The following SPEF2 variants were observed in gnomAD, a reference collection of about 807,000 sequenced individuals.
SPEF2 encodes sperm flagellar and cilia associated 2.
A neutral mutation model predicts 224.6 loss-of-function variants in SPEF2; 187 were observed. The observed-to-expected ratio is 0.83, with a 90% CI of 0.74 to 0.94. SPEF2 has a LOEUF of 0.94. Ranked by LOEUF, SPEF2 falls within the 40% of genes least tolerant of loss-of-function variation. The pLI, the probability that SPEF2 is intolerant of heterozygous loss-of-function variation, is 0.00. For missense variants in SPEF2, 2,170 were observed against 2,135.6 expected, an observed-to-expected ratio of 1.02 and a Z score of -0.32; for synonymous variants, 715 against 707.3, an observed-to-expected ratio of 1.01 and a Z score of -0.17.
chr5:35,698,866 C>G (rs566568832), intron 15 of SPEF2: 3 of 152,252 alleles, frequency 2.0e-5, no homozygotes, highest in Non-Finnish European at 4.4e-5. Context: ...TCACCTCCCC[C>G]TTCCTCTGAA....
intron 29 of SPEF2, 23 bp from the exon 30 acceptor site, chr5:35,779,094 G>T (rs533153198): frequency 1.3e-6 from 2 of 1,567,796 alleles, no homozygotes; most frequent in African/African-American, 1.4e-5. Flanking sequence ...TGGGGTTAAC[G>T]CTATCCATTT....
intron 10 of SPEF2, among the ~76,000 whole-genome samples, chr5:35,681,514 G>A (rs182440986): frequency 2.6e-5 from 4 of 152,182 alleles, no homozygotes; most frequent in Non-Finnish European, 5.9e-5. Context: ...AGAGTTCCTG[G>A]TATCTTGTCC....
intron 1 of SPEF2, among the ~76,000 whole-genome samples, chr5:35,622,727 G>A (rs903742958): frequency 3.9e-5 from 6 of 152,050 alleles, no homozygotes; most frequent in East Asian, 1.9e-4. Flanking sequence ...GCCTCGCAGC[G>A]TTTTTCTTGA....
intron 26 of SPEF2, among the ~76,000 whole-genome samples, chr5:35,768,093 T>G (rs1316286868): frequency 6.6e-6 from 1 of 152,162 alleles, no homozygotes; most frequent in African/African-American, 2.4e-5. Flanking sequence ...GTCTGAATAC[T>G]TAACTAGATT....
rs751924265 is a variant in SPEF2, at chr5:35,649,420, A to C, written c.786A>C (p.Lys262Asn). 1.3e-4 allele frequency: 216 copies of C among 1,610,840 alleles called. No individual in the cohort carries two copies. The highest frequency in any genetic ancestry group is 1.8e-4 in the Non-Finnish European group (207 of 1,178,512). Residue 262 changes from lysine to asparagine, a missense_variant, in exon 6 of 37, where the codon AAA becomes AAC. Lys to Asn is a moderately conservative substitution (Grantham distance 94). Transcript: ENST00000356031. ...TAATAAAAAAGGATCTCCAAGCAAAAGAAAGGTGAGATGTGAGCTATTTTA... is the reference window on the plus strand; with the variant it reads ...TAATAAAAAAGGATCTCCAAGCAAACGAAAGGTGAGATGTGAGCTATTTTA... ...EALIKKDLQA[K>N]ESASKTSLDT...
rs1045032241 is a variant in SPEF2 at position 35,633,983 on chromosome 5, C to A, written c.161+5421C>A. Among the ~76,000 whole-genome samples the A allele has an allele frequency of 9.2e-5, 14 of 152,130 alleles. No homozygotes were observed. The East Asian group carries it at 2.7e-3, about 29-fold the overall frequency. ...CCTACCAATTACATCTTAAGCCCAT[C>A]AAGTCAGTTTTATAATTATTGCTAT... On this transcript the variant is annotated intron_variant, in intron 2 of 36. Transcript: ENST00000356031.
intron 11 of SPEF2, 93 bp from the exon 12 acceptor site, chr5:35,692,477 A>G: frequency 1.1e-6 from 1 of 928,130 alleles, no homozygotes; most frequent in Non-Finnish European, 1.6e-6. Flanking sequence ...CGGGCCTGAA[A>G]GACAGTGTTA....
chr5:35,676,024 G>C (rs1424197666), intron 10 of SPEF2: 1 of 456,200 alleles, frequency 2.2e-6, no homozygotes, highest in Admixed American at 2.3e-5. Flanking sequence ...GGTAGAAATT[G>C]TTGAATTAAG....
At chr5:35,696,391 A>G (rs970007326) in intron 14 of SPEF2, among the ~76,000 whole-genome samples, 1 of 152,212 alleles carries the variant, frequency 6.6e-6, no homozygotes, top group Non-Finnish European at 1.5e-5. Flanking sequence ...TTTTGGAAGG[A>G]TATACACCAA....
chr5:35,666,077 G>T (rs961149), intron 8 of SPEF2, among the ~76,000 whole-genome samples: 1 of 151,882 alleles, frequency 6.6e-6, no homozygotes, highest in African/African-American at 2.4e-5. Flanking sequence ...GGAAATGGAG[G>T]CACAAGGAGA....
intron 33 of SPEF2, 92 bp from the exon 34 acceptor site, chr5:35,799,876 T>C (rs766271567): frequency 6.3e-5 from 89 of 1,407,612 alleles, no homozygotes; most frequent in Non-Finnish European, 8.4e-5. Flanking sequence ...GCAACCTTAT[T>C]CCAAAGCTCC....
At chr5:35,729,053 A>G (rs1176500025) in intron 21 of SPEF2, among the ~76,000 whole-genome samples, 1 of 152,186 alleles carries the variant, frequency 6.6e-6, no homozygotes, top group Non-Finnish European at 1.5e-5. Context: ...AAATCTATAG[A>G]GGACAAGAGA....
intron 19 of SPEF2, chr5:35,709,427 G>A: frequency 8.9e-7 from 1 of 1,121,548 alleles, no homozygotes; most frequent in Non-Finnish European, 1.1e-6. Context: ...GGCAGATCAA[G>A]AGGATACACG....
At chr5:35,645,816 C>A (rs972841739) in intron 4 of SPEF2, among the ~76,000 whole-genome samples, 4 of 151,914 alleles carry the variant, frequency 2.6e-5, no homozygotes, top group Admixed American at 2.6e-4. Flanking sequence ...TCCTGGTCTT[C>A]TTAAGAAAAA....
At position 35,800,898 on chromosome 5, in the gene SPEF2, A is replaced by G. The variant is rs184336350; in HGVS notation, c.5010+751A>G. Among the ~76,000 whole-genome samples the G allele has an allele frequency of 6.9e-3, 1,045 of 152,294 alleles. 15 individuals carry two copies. Among genetic ancestry groups the G allele is most frequent in the African/African-American group, 0.024 (997 of 41,556 alleles). On this transcript the variant is annotated intron_variant, in intron 34 of 36. Transcript: ENST00000356031. Reference sequence around the variant, plus strand: ...CCTCAGATGTTCCAGACACACTTCCATCCTTTTCACACATACTTGTTAAAG... The same window carrying G: ...CCTCAGATGTTCCAGACACACTTCCGTCCTTTTCACACATACTTGTTAAAG...
At chr5:35,655,271 G>A (rs1389433777) in intron 7 of SPEF2, among the ~76,000 whole-genome samples, 11 of 152,172 alleles carry the variant, frequency 7.2e-5, no homozygotes, top group South Asian at 2.1e-4. Context: ...CCAGTGATCC[G>A]TGCTAACAGG....
At chr5:35,788,136 C>G (rs1470521177) in intron 30 of SPEF2, 1 of 702,832 alleles carries the variant, frequency 1.4e-6, no homozygotes, top group Non-Finnish European at 2.6e-6. Flanking sequence ...CTCAGCGAGG[C>G]TCATGCCAAG....
intron 6 of SPEF2, among the ~76,000 whole-genome samples, chr5:35,650,500 CTG>C (rs1748032860): frequency 6.6e-6 from 1 of 152,154 alleles, no homozygotes; most frequent in African/African-American, 2.4e-5. Context: ...ACCATAGGCT[CTG>C]TGGTGATAAA....
intron 28 of SPEF2, among the ~76,000 whole-genome samples, chr5:35,774,401 G>T (rs560896305): frequency 3.4e-4 from 52 of 152,124 alleles, no homozygotes; most frequent in Non-Finnish European, 7.1e-4. Context: ...AAAGTAAGTG[G>T]TTTTATATTA....
Sources: allele counts gnomAD v4.1 joint callset (sites outside exome capture counted in the v4.1 genomes callset), GRCh38; gene constraint gnomAD v4.1.1; transcripts MANE v1.5; gene names NCBI Gene and HGNC (gene_info 2026-07-23, HGNC 2026-07-21).